Variants in MLIP observed in about 807,000 individuals in gnomAD.
MLIP encodes muscular LMNA-interacting protein.
Under a neutral mutation model 84.8 loss-of-function variants are expected in MLIP, and 79 were observed. That is an observed-to-expected ratio of 0.93 (90% confidence interval 0.78 to 1.12). MLIP has a LOEUF of 1.12. MLIP is among the 50% of genes most tolerant of loss of function. MLIP has a pLI of 0.00. For synonymous variants in MLIP, 504 were observed against 463.0 expected, an observed-to-expected ratio of 1.09 and a Z score of -1.14; for missense variants, 1,257 against 1,160.6, an observed-to-expected ratio of 1.08 and a Z score of -1.21.
intron 9 of MLIP, among the ~76,000 whole-genome samples, chr6:54,181,697 T>A (rs1281522020): frequency 6.6e-6 from 1 of 152,148 alleles, no homozygotes; most frequent in Non-Finnish European, 1.5e-5. Context: ...TGCTGGTTAT[T>A]CACTACCCAA....
intron 1 of MLIP, among the ~76,000 whole-genome samples, chr6:54,048,776 A>G (rs1206633382): frequency 6.6e-6 from 1 of 152,140 alleles, no homozygotes; most frequent in Non-Finnish European, 1.5e-5. Context: ...TGGACTGGTG[A>G]CAGGTTTTAG....
chr6:54,127,123 C>T (rs997992930), intron 3 of MLIP, among the ~76,000 whole-genome samples: 7 of 152,130 alleles, frequency 4.6e-5, no homozygotes, highest in Non-Finnish European at 1.5e-5. Context: ...ATAATTTAAG[C>T]TCAGTTCAAG....
chr6:54,023,224 C>T (rs1239525298), intron 1 of MLIP, among the ~76,000 whole-genome samples: 1 of 151,160 alleles, frequency 6.6e-6, no homozygotes, highest in Non-Finnish European at 1.5e-5. Flanking sequence ...TATGATTCAA[C>T]TTATTTTATA....
chr6:54,076,675 A>G (rs1249174140), intron 1 of MLIP, among the ~76,000 whole-genome samples: 2 of 152,216 alleles, frequency 1.3e-5, no homozygotes, highest in Non-Finnish European at 2.9e-5. Flanking sequence ...TAAATTTTGC[A>G]TAGCATTTTG....
At chr6:54,075,252 A>G (rs928394492) in intron 1 of MLIP, among the ~76,000 whole-genome samples, 2 of 151,634 alleles carry the variant, frequency 1.3e-5, no homozygotes, top group African/African-American at 4.8e-5. Context: ...CGTCTCAAAA[A>G]AAAAAAAAAA....
chr6:54,173,756 A>T (rs1365091108), intron 9 of MLIP, among the ~76,000 whole-genome samples: 2 of 151,950 alleles, frequency 1.3e-5, no homozygotes, highest in African/African-American at 4.8e-5. Flanking sequence ...GTTATTTTAA[A>T]ATGTACAATT....
intron 1 of MLIP, chr6:54,047,207 G>A (rs1478595590): frequency 6.6e-6 from 1 of 152,142 alleles, no homozygotes; most frequent in African/African-American, 2.4e-5. Flanking sequence ...AAAAAGATGG[G>A]TGTTACAGAA....
intron 1 of MLIP, among the ~76,000 whole-genome samples, chr6:54,054,978 C>T (rs1365441713): frequency 6.6e-6 from 1 of 152,036 alleles, no homozygotes; most frequent in Admixed American, 6.6e-5. Flanking sequence ...AGCTCCGCCT[C>T]CTGGGTTCAC....
At chr6:54,246,471 G>C (rs1260406518) in intron 12 of MLIP, among the ~76,000 whole-genome samples, 1 of 151,958 alleles carries the variant, frequency 6.6e-6, no homozygotes, top group African/African-American at 2.4e-5. Context: ...TCATATTGGA[G>C]AGACAAATCT....
At chr6:54,205,603 G>T (rs1778981956) in intron 11 of MLIP, among the ~76,000 whole-genome samples, 1 of 152,138 alleles carries the variant, frequency 6.6e-6, no homozygotes, top group East Asian at 1.9e-4. Context: ...GGTGCAGCTG[G>T]GCAGCCTTTT....
At chr6:54,149,391 G>A (rs998876329) in intron 5 of MLIP, among the ~76,000 whole-genome samples, 2 of 151,996 alleles carry the variant, frequency 1.3e-5, no homozygotes, top group Non-Finnish European at 2.9e-5. Flanking sequence ...TTCAGATTTG[G>A]ATAGATCTCC....
intron 1 of MLIP, among the ~76,000 whole-genome samples, chr6:54,087,198 A>G (rs1421135392): frequency 6.6e-6 from 1 of 152,210 alleles, no homozygotes; most frequent in Non-Finnish European, 1.5e-5. Context: ...AGTCTATTCT[A>G]ATATGGCATC....
intron 5 of MLIP, among the ~76,000 whole-genome samples, chr6:54,154,164 G>A (rs1219428653): frequency 6.6e-6 from 1 of 151,964 alleles, no homozygotes. Context: ...TTTACTAAAT[G>A]TTCATTAAAT....
intron 1 of MLIP, among the ~76,000 whole-genome samples, chr6:54,032,630 T>C (rs1035323894): frequency 6.6e-6 from 1 of 152,218 alleles, no homozygotes; most frequent in Non-Finnish European, 1.5e-5. Context: ...TTTGGCCCAC[T>C]GCAACCCCTG....
At chr6:54,125,134 T>C (rs1239304855) in intron 3 of MLIP, among the ~76,000 whole-genome samples, 1 of 152,228 alleles carries the variant, frequency 6.6e-6, no homozygotes, top group Non-Finnish European at 1.5e-5. Context: ...GGGAGAATAC[T>C]ACCTCTTTCC....
At chr6:54,235,808 T>C (rs1284593048) in intron 12 of MLIP, among the ~76,000 whole-genome samples, 1 of 152,118 alleles carries the variant, frequency 6.6e-6, no homozygotes, top group Non-Finnish European at 1.5e-5. Context: ...GTTGGGAACA[T>C]AGGTAGGGTG....
At position 54,063,095 on chromosome 6, in the gene MLIP, A is replaced by T. The variant is rs182397143; in HGVS notation, c.63+44004A>T. On this transcript the variant is annotated intron_variant, in intron 1 of 12. Coordinates refer to the MLIP transcript ENST00000274897. ...GTGGCGTACGCCTGTAATCCCAGCT[A>T]CTTGGGAGGCTAAGGCAGGAGAACT... is the stretch of plus-strand genomic sequence containing the variant. Among the ~76,000 whole-genome samples the T allele has an allele frequency of 2.6e-5, 4 of 152,108 alleles. No homozygotes were observed. In the East Asian group the frequency reaches 7.7e-4, roughly 29 times the overall value.
intron 11 of MLIP, chr6:54,215,956 G>T: frequency 5.7e-6 from 1 of 174,412 alleles, no homozygotes; most frequent in Non-Finnish European, 1.1e-5. Flanking sequence ...CATTTCACTT[G>T]GCATAATATA....
intron 8 of MLIP, among the ~76,000 whole-genome samples, chr6:54,167,853 C>A (rs188317304): frequency 6.6e-6 from 1 of 151,902 alleles, no homozygotes; most frequent in East Asian, 1.9e-4. Context: ...GTCACTCTTA[C>A]TCCTAGGGGC....
Sources: gnomAD v4.1 joint callset for allele counts (sites outside exome capture counted in the v4.1 genomes callset) on GRCh38, gnomAD v4.1.1 for gene constraint, MANE v1.5 for transcripts, NCBI Gene and HGNC (gene_info 2026-07-23, HGNC 2026-07-21) for gene names.